MAD1L1: variants seen among roughly 807,000 people sequenced by gnomAD.
MAD1L1 encodes the protein mitotic arrest deficient 1 like 1.
A neutral mutation model predicts 96.9 loss-of-function variants in MAD1L1; 95 were observed. The observed-to-expected ratio is 0.98, with a 90% CI of 0.83 to 1.16. MAD1L1 has a LOEUF of 1.16. Among genes scored for constraint, MAD1L1 ranks in the 50% most tolerant of loss-of-function variants. The pLI, the probability that MAD1L1 is intolerant of heterozygous loss-of-function variation, is 0.00. For missense variants in MAD1L1, 1,007 were observed against 954.4 expected, an observed-to-expected ratio of 1.06 and a Z score of -0.73; for synonymous variants, 473 against 396.6, an observed-to-expected ratio of 1.19 and a Z score of -2.29.
intron 9 of MAD1L1, among the ~76,000 whole-genome samples, chr7:2,213,653 CA>C (rs1793104348): frequency 6.6e-6 from 1 of 151,988 alleles, no homozygotes; most frequent in Non-Finnish European, 1.5e-5. Flanking sequence ...CCCCATCTTC[CA>C]GGGGCTCCTC....
rs896122691 is a variant in MAD1L1, at chr7:1,939,314, TACAC to T, written c.1597-2421_1597-2418del. Among the ~76,000 whole-genome samples the T allele has an allele frequency of 1.2e-4, 14 of 114,358 alleles. No individual in the cohort carries two copies. In the South Asian group the frequency reaches 2.7e-3, roughly 22 times the overall value. The allele number at this position is 114,358 out of a possible 152,430, so 75.0% of individuals were successfully genotyped here. A position where few individuals can be genotyped will look rare whatever the true frequency, so the allele number is the denominator to read the frequency against. ...GGGGCCAGCGGTGCACGCACACACA[TACAC>T]ACACACATACACACACACACAGGCC... is the stretch of plus-strand genomic sequence containing the variant. On this transcript the variant is annotated intron_variant, in intron 16 of 18. Transcript: ENST00000265854.
At chr7:2,122,514 A>G (rs1420921420) in intron 11 of MAD1L1, among the ~76,000 whole-genome samples, 1 of 152,002 alleles carries the variant, frequency 6.6e-6, no homozygotes, top group Admixed American at 6.5e-5. Context: ...AGGCAGGGGA[A>G]TCACTTGAAC....
chr7:2,036,388 C>T (rs1015662764), intron 12 of MAD1L1, among the ~76,000 whole-genome samples: 17 of 152,186 alleles, frequency 1.1e-4, no homozygotes, highest in Admixed American at 7.9e-4. Flanking sequence ...CAGGGGAGGA[C>T]GATGCATTCC....
At chr7:1,833,372 G>A (rs535088363) in intron 18 of MAD1L1, among the ~76,000 whole-genome samples, 17 of 152,280 alleles carry the variant, frequency 1.1e-4, no homozygotes, top group South Asian at 2.1e-4. Flanking sequence ...TGATAAAAGC[G>A]TCCATTTATA....
At chr7:2,177,489 G>C (rs1791000635) in intron 10 of MAD1L1, among the ~76,000 whole-genome samples, 1 of 152,174 alleles carries the variant, frequency 6.6e-6, no homozygotes, top group Non-Finnish European at 1.5e-5. Context: ...CCATTTCAAT[G>C]AATCAGATGT....
chr7:1,828,965 G>A (rs536481404), intron 18 of MAD1L1, among the ~76,000 whole-genome samples: 7 of 152,302 alleles, frequency 4.6e-5, no homozygotes, highest in East Asian at 1.9e-4. Context: ...CAGACATGGC[G>A]AAAACAGGAT....
At position 1,957,125 on chromosome 7, in the gene MAD1L1, C is replaced by T. The variant is rs1049709298; in HGVS notation, c.1596+504G>A. Among the ~76,000 whole-genome samples, 49 of 152,178 alleles carry T rather than the reference C, an allele frequency of 3.2e-4. 1 individual carries two copies. The highest frequency in any genetic ancestry group is 3.0e-3 in the Admixed American group (46 of 15,278). On this transcript the variant is annotated intron_variant, in intron 16 of 18. Transcript: ENST00000265854. ...AGGACAGGCCAGCGCGGCTCGGAGC[C>T]GCCCATCACCACAGATGTCACTCCT...
Position 2,169,730 on chromosome 7 carries a change from G to T in MAD1L1, c.987-20492C>A, listed in dbSNP as rs535905166. ...CAGAGGCTGGACCACAGTCTGGGTG[G>T]AGGGGTCGGCCAGGACTGAGAGCAC... On this transcript the variant is annotated intron_variant, in intron 10 of 18. Coordinates refer to ENST00000265854, the MANE Select transcript of MAD1L1 (RefSeq NM_001013836.2). Among the ~76,000 whole-genome samples, 13 of 147,010 alleles carry T rather than the reference G, an allele frequency of 8.8e-5. No homozygotes were observed. In the South Asian group the frequency reaches 2.7e-3, roughly 31 times the overall value.
intron 18 of MAD1L1, among the ~76,000 whole-genome samples, chr7:1,831,017 C>T (rs1228189536): frequency 3.9e-5 from 6 of 152,264 alleles, no homozygotes; most frequent in African/African-American, 7.2e-5. Context: ...ACTATGAAGA[C>T]GCAGTAGATT....
chr7:2,191,367 G>A (rs17186614), intron 10 of MAD1L1, among the ~76,000 whole-genome samples: 33,620 of 152,148 alleles, frequency 0.22, 4,727 homozygotes, highest in Middle Eastern at 0.31. Context: ...CAGGAACATG[G>A]CCCTTTGGAA....
chr7:2,080,582 C>CA (rs1377602276), intron 11 of MAD1L1, among the ~76,000 whole-genome samples: 3 of 146,720 alleles, frequency 2.0e-5, no homozygotes, highest in Middle Eastern at 3.5e-3. Flanking sequence ...GTAGGAAGCC[C>CA]AGGATTCCGG....
rs11975032 is a variant in MAD1L1, at chr7:1,957,784, C to A, written c.1506-65G>T. 809 of 1,483,764 alleles carry A rather than the reference C, an allele frequency of 5.5e-4. 4 individuals are homozygous for A. In the African/African-American group the frequency reaches 9.7e-3, roughly 18 times the overall value. 91.9% of individuals were successfully genotyped at this position (1,483,764 alleles called of 1,614,324 possible). On this transcript the variant is annotated intron_variant, in intron 15 of 18. Coordinates refer to ENST00000265854, the MANE Select transcript of MAD1L1 (RefSeq NM_001013836.2). ...AGCCATGCTGGGGAAGTCCCACCCT[C>A]TGGGTGATAAGGAGGTGAAAGGTTA...
chr7:2,125,155 G>A (rs373907721), intron 11 of MAD1L1, among the ~76,000 whole-genome samples: 14 of 152,186 alleles, frequency 9.2e-5, no homozygotes, highest in Admixed American at 6.5e-4. Context: ...GTCAGACCCC[G>A]GGTCATGCAG....
chr7:2,172,099 G>A (rs1790734111), intron 10 of MAD1L1, among the ~76,000 whole-genome samples: 1 of 152,162 alleles, frequency 6.6e-6, no homozygotes, highest in Non-Finnish European at 1.5e-5. Context: ...AAATGAGTAT[G>A]ACAACAGTGC....
At chr7:2,015,977 G>T (rs1358207469) in intron 12 of MAD1L1, among the ~76,000 whole-genome samples, 1 of 152,222 alleles carries the variant, frequency 6.6e-6, no homozygotes, top group African/African-American at 2.4e-5. Flanking sequence ...GGAAGAAGCG[G>T]ATGGGTATCT....
At chr7:1,905,495 T>G (rs1469955318) in intron 17 of MAD1L1, among the ~76,000 whole-genome samples, 6 of 151,246 alleles carry the variant, frequency 4.0e-5, no homozygotes, top group Admixed American at 2.0e-4. Context: ...AACTCATGAT[T>G]GATGAAGCAC....
chr7:2,161,447 G>A (rs1443839840), intron 10 of MAD1L1, among the ~76,000 whole-genome samples: 1 of 152,032 alleles, frequency 6.6e-6, no homozygotes, highest in African/African-American at 2.4e-5. Context: ...CGTGATCTCG[G>A]CTCGCTACAA....
At chr7:2,121,748 C>T (rs533151132) in intron 11 of MAD1L1, among the ~76,000 whole-genome samples, 4 of 151,932 alleles carry the variant, frequency 2.6e-5, no homozygotes, top group Non-Finnish European at 5.9e-5. Context: ...CACCTTTCTA[C>T]GAGCCTGATG....
intron 17 of MAD1L1, among the ~76,000 whole-genome samples, chr7:1,904,086 C>T (rs1384015737): frequency 1.7e-3 from 112 of 65,870 alleles, no homozygotes; most frequent in Middle Eastern, 0.028. Flanking sequence ...CAGTGGCCTA[C>T]TGAAGACGCT....
Sources: gnomAD v4.1 joint callset for allele counts (sites outside exome capture counted in the v4.1 genomes callset) on GRCh38, gnomAD v4.1.1 for gene constraint, MANE v1.5 for transcripts, NCBI Gene and HGNC (gene_info 2026-07-23, HGNC 2026-07-21) for gene names.